Variants in SLC38A8 observed in about 807,000 individuals in gnomAD.
SLC38A8 encodes the protein solute carrier family 38 member 8, also known as amino acid transporter SLC38A8.
A neutral mutation model predicts 46.0 loss-of-function variants in SLC38A8; 65 were observed. The observed-to-expected ratio is 1.41, with a 90% CI of 1.16 to 1.74. The LOEUF is 1.74. Among genes scored for constraint, SLC38A8 ranks in the 40% most tolerant of loss-of-function variants. SLC38A8 has a pLI of 0.00. For synonymous variants in SLC38A8, 447 were observed against 243.7 expected (o/e 1.83, Z -7.77); for missense variants, 998 against 567.9 (o/e 1.76, Z -7.70).
chr16:84,027,504 T>C (rs1459924956), intron 6 of SLC38A8, among the ~76,000 whole-genome samples: 1 of 152,146 alleles, frequency 6.6e-6, no homozygotes, highest in Non-Finnish European at 1.5e-5. Flanking sequence ...CATTGCCAAA[T>C]GTGTTTGGGC....
In SLC38A8 at chr16:84,009,704, C is replaced by G; in HGVS notation, c.*80G>C. The G allele has an allele frequency of 1.7e-6, 2 of 1,194,082 alleles. No individual in the cohort carries two copies. Among genetic ancestry groups the G allele is most frequent in the East Asian group, 4.9e-5 (2 of 41,162 alleles). The allele number at this position is 1,194,082 out of a possible 1,614,324, so 74.0% of individuals were successfully genotyped here. On this transcript the variant is annotated 3_prime_UTR_variant, in exon 11 of 11. Coordinates refer to ENST00000299709, the MANE Select transcript of SLC38A8 (RefSeq NM_001080442.3). ...GCATCTTTATGAGGAAAAGAAATGG[C>G]ATCGGTCTCCTGGCTGCATACAGCA...
rs148972087 is a variant in SLC38A8 at position 84,038,352 on chromosome 16, G to A, written c.190-1452C>T. ...AGATGTACAGGAAAGTTGCAAGAAC[G>A]TTACAGTGAACACCCCTGTGGGCAG... is the stretch of plus-strand genomic sequence containing the variant. On this transcript the variant is annotated intron_variant, in intron 2 of 10. Coordinates refer to ENST00000299709, the MANE Select transcript of SLC38A8 (RefSeq NM_001080442.3). Among the ~76,000 whole-genome samples the A allele has an allele frequency of 8.2e-4, 124 of 151,274 alleles. No individual in the cohort carries two copies. The Middle Eastern group carries it at 0.017, about 21-fold the overall frequency.
intron 9 of SLC38A8, 104 bp from the exon 10 acceptor site, chr16:84,013,156 C>T (rs1183990416): frequency 7.4e-7 from 1 of 1,347,694 alleles, no homozygotes; most frequent in Non-Finnish European, 1.0e-6. Context: ...AGCAAGGCCT[C>T]CGCCCATGGG....
At chr16:84,015,557 C>G (rs1269436566) in intron 9 of SLC38A8, among the ~76,000 whole-genome samples, 1 of 112,572 alleles carries the variant, frequency 8.9e-6, no homozygotes, top group Non-Finnish European at 1.8e-5. Flanking sequence ...AGCCCTGCTG[C>G]ATACTAGCTG....
chr16:84,031,787 C>T, intron 5 of SLC38A8, 80 bp downstream of exon 5: 2 of 1,212,124 alleles, frequency 1.7e-6, no homozygotes, highest in African/African-American at 1.5e-5. Context: ...ACGAGAGGCT[C>T]CTCCTCCAAG....
intron 2 of SLC38A8, 84 bp from the exon 3 acceptor site, chr16:84,036,984 C>A: frequency 5.9e-6 from 8 of 1,363,770 alleles, no homozygotes; most frequent in Non-Finnish European, 8.0e-6. Flanking sequence ...GCACACTCTC[C>A]ACATGGCTTC....
At chr16:84,040,117 G>T (rs1398682240) in intron 2 of SLC38A8, 2 of 152,158 alleles carry the variant, frequency 1.3e-5, no homozygotes, top group Admixed American at 6.6e-5. Context: ...ACATTTAAAC[G>T]CTCCCCATGC....
At chr16:84,014,071 G>A (rs942309642) in intron 9 of SLC38A8, among the ~76,000 whole-genome samples, 4 of 149,544 alleles carry the variant, frequency 2.7e-5, no homozygotes, top group African/African-American at 9.9e-5. Flanking sequence ...TCTCTGAAAG[G>A]CCCGCCCAGA....
intron 6 of SLC38A8, among the ~76,000 whole-genome samples, chr16:84,023,766 C>G (rs986846629): frequency 3.3e-5 from 5 of 152,162 alleles, no homozygotes; most frequent in African/African-American, 1.2e-4. Flanking sequence ...TGGTAATGAG[C>G]ACCTGTAATC....
intron 5 of SLC38A8, among the ~76,000 whole-genome samples, chr16:84,030,045 G>A (rs980129651): frequency 6.6e-6 from 1 of 152,198 alleles, no homozygotes; most frequent in Non-Finnish European, 1.5e-5. Flanking sequence ...GGCTTTGCAG[G>A]TGTAATTACT....
intron 2 of SLC38A8, chr16:84,041,164 G>C (rs569168056): frequency 6.6e-6 from 1 of 152,294 alleles, no homozygotes; most frequent in Non-Finnish European, 1.5e-5. Context: ...AGAGAAGAGC[G>C]CGGCGTCCGC....
At chr16:84,029,373 G>C (rs979940500) in intron 6 of SLC38A8, 121 bp downstream of exon 6, 3 of 989,248 alleles carry the variant, frequency 3.0e-6, no homozygotes, top group East Asian at 5.2e-5. Context: ...AGAGCCCACT[G>C]TATCCTAGGA....
In SLC38A8 at chr16:84,019,235, C is replaced by G. The variant is rs187490487; in HGVS notation, c.806-1948G>C. Among the ~76,000 whole-genome samples the G allele has an allele frequency of 2.0e-5, 3 of 152,014 alleles. No homozygotes were observed. The East Asian group carries it at 5.8e-4, about 29-fold the overall frequency. On this transcript the variant is annotated intron_variant, in intron 7 of 10. Coordinates refer to ENST00000299709, the MANE Select transcript of SLC38A8 (RefSeq NM_001080442.3). ...GATTACAGGCACATGTCACCATGCT[C>G]GGCTATATTTTTCTGTTTTTAGTAG...
In SLC38A8 at chr16:84,029,596, C is replaced by A. The variant is rs750584646; in HGVS notation, c.633-45G>T. The A allele has an allele frequency of 1.6e-5, 26 of 1,586,810 alleles. No homozygotes were observed. In the Admixed American group the frequency reaches 4.1e-4, roughly 25 times the overall value. ...GGAGTTTATTAAAGAAGGGTCACACCCGGAACAACCTGCGGCTGCAATGGT... is the reference window on the plus strand; with the variant it reads ...GGAGTTTATTAAAGAAGGGTCACACACGGAACAACCTGCGGCTGCAATGGT... On this transcript the variant is annotated intron_variant, in intron 5 of 10. Coordinates refer to ENST00000299709, the MANE Select transcript of SLC38A8 (RefSeq NM_001080442.3).
intron 4 of SLC38A8, 37 bp downstream of exon 4, chr16:84,033,291 G>C (rs367694923): frequency 6.2e-7 from 1 of 1,613,462 alleles, no homozygotes; most frequent in Non-Finnish European, 8.5e-7. Flanking sequence ...CACTCAGCAA[G>C]GTGGGGGCCC....
chr16:84,024,905 T>C (rs2085143736), intron 6 of SLC38A8, among the ~76,000 whole-genome samples: 1 of 152,134 alleles, frequency 6.6e-6, no homozygotes. Flanking sequence ...GGTCTCATAC[T>C]CCTGACCTCA....
intron 10 of SLC38A8, among the ~76,000 whole-genome samples, chr16:84,010,757 G>A (rs569242161): frequency 6.6e-6 from 1 of 152,076 alleles, no homozygotes; most frequent in South Asian, 2.1e-4. Flanking sequence ...AAGAGAAAAA[G>A]ACATGGAGAG....
At chr16:84,022,993 G>C in intron 6 of SLC38A8, 104 bp from the exon 7 acceptor site, 1 of 761,142 alleles carries the variant, frequency 1.3e-6, no homozygotes, top group Non-Finnish European at 2.1e-6. Flanking sequence ...ATATGATGAG[G>C]TTTCTCTTGA....
At chr16:84,030,354 C>T (rs1462403244) in intron 5 of SLC38A8, among the ~76,000 whole-genome samples, 3 of 152,130 alleles carry the variant, frequency 2.0e-5, no homozygotes, top group Non-Finnish European at 1.5e-5. Context: ...TTACCAGGGC[C>T]TCCTCATCCC....
Sources: allele counts gnomAD v4.1 joint callset (sites outside exome capture counted in the v4.1 genomes callset), GRCh38; gene constraint gnomAD v4.1.1; transcripts MANE v1.5; gene names NCBI Gene and HGNC (gene_info 2026-07-23, HGNC 2026-07-21).